FGF12: variants seen among roughly 807,000 people sequenced by gnomAD.
The protein encoded by FGF12 is fibroblast growth factor 12B.
Under a neutral mutation model 23.6 loss-of-function variants are expected in FGF12, and 14 were observed. The ratio of observed to expected loss-of-function variants is 0.59; its 90% CI spans 0.39 to 0.93. The LOEUF is 0.93. Among genes scored for constraint, FGF12 ranks in the 40% least tolerant of loss-of-function variants. The probability of loss-of-function intolerance (pLI) is 0.00; values close to 1 mark genes in which losing one functional copy is unlikely to be tolerated. For synonymous variants in FGF12, 62 were observed against 77.3 expected, an observed-to-expected ratio of 0.80 and a Z score of 1.04; for missense variants, 175 against 217.8, an observed-to-expected ratio of 0.80 and a Z score of 1.24.
At chr3:192,201,093 A>G (rs975040015) in intron 4 of FGF12, among the ~76,000 whole-genome samples, 5 of 152,212 alleles carry the variant, frequency 3.3e-5, no homozygotes, top group Non-Finnish European at 4.4e-5. Context: ...CCACTGGTAT[A>G]TATCTCTTTA....
intron 2 of FGF12, among the ~76,000 whole-genome samples, chr3:192,681,276 A>C (rs1314528082): frequency 6.6e-6 from 1 of 152,206 alleles, no homozygotes; most frequent in Non-Finnish European, 1.5e-5. Context: ...GGGTGACATA[A>C]AGTCAGACTA....
At chr3:192,375,053 A>G (rs765887025) in intron 2 of FGF12, among the ~76,000 whole-genome samples, 4 of 152,208 alleles carry the variant, frequency 2.6e-5, no homozygotes, top group Admixed American at 2.6e-4. Flanking sequence ...ATCCACAAAA[A>G]GTACCTACTG....
At chr3:192,169,620 C>A (rs1248834726) in intron 5 of FGF12, among the ~76,000 whole-genome samples, 1 of 152,046 alleles carries the variant, frequency 6.6e-6, no homozygotes, top group Non-Finnish European at 1.5e-5. Flanking sequence ...AGTTGCAATG[C>A]ACTGCCTCAA....
At chr3:192,431,913 A>T (rs1364193735) in intron 2 of FGF12, among the ~76,000 whole-genome samples, 3 of 152,178 alleles carry the variant, frequency 2.0e-5, no homozygotes, top group African/African-American at 7.2e-5. Context: ...ATGTACCCCA[A>T]GCACAGCACA....
intron 4 of FGF12, among the ~76,000 whole-genome samples, chr3:192,187,500 T>C (rs551490630): frequency 2.5e-3 from 376 of 152,334 alleles, no homozygotes; most frequent in African/African-American, 8.8e-3. Flanking sequence ...AAAATAATTA[T>C]GTAATTCATG....
At chr3:192,167,105 T>C (rs1217512728) in intron 5 of FGF12, among the ~76,000 whole-genome samples, 7 of 148,400 alleles carry the variant, frequency 4.7e-5, no homozygotes, top group Non-Finnish European at 1.0e-4. Context: ...TTTTAGTGTC[T>C]CAATACCCAT....
chr3:192,305,666 G>GA (rs10663137), intron 4 of FGF12, among the ~76,000 whole-genome samples: 31,111 of 124,846 alleles, frequency 0.25, 4,470 homozygotes, highest in Non-Finnish European at 0.33. Flanking sequence ...GGTGGCTTAG[G>GA]AAAAAAAAAA....
intron 2 of FGF12, among the ~76,000 whole-genome samples, chr3:192,464,168 A>T (rs1346833558): frequency 6.6e-6 from 1 of 152,056 alleles, no homozygotes; most frequent in Non-Finnish European, 1.5e-5. Context: ...TCTGGGGGGA[A>T]CATGTGGTGT....
At chr3:192,558,313 A>G (rs1317752662) in intron 2 of FGF12, among the ~76,000 whole-genome samples, 1 of 151,974 alleles carries the variant, frequency 6.6e-6, no homozygotes, top group East Asian at 1.9e-4. Flanking sequence ...AGAAATTAAG[A>G]AAATAATTCC....
At chr3:192,693,739 A>G (rs1255120741) in intron 2 of FGF12, among the ~76,000 whole-genome samples, 2 of 152,156 alleles carry the variant, frequency 1.3e-5, no homozygotes, top group African/African-American at 4.8e-5. Flanking sequence ...TTACACTACA[A>G]AATACTCAAC....
At chr3:192,644,778 T>C (rs1715939627) in intron 2 of FGF12, among the ~76,000 whole-genome samples, 1 of 152,130 alleles carries the variant, frequency 6.6e-6, no homozygotes. Flanking sequence ...GCCTTTGCCC[T>C]TCAAGGGCTC....
At chr3:192,331,480 C>T (rs963732926) in intron 4 of FGF12, among the ~76,000 whole-genome samples, 9 of 151,884 alleles carry the variant, frequency 5.9e-5, no homozygotes, top group Admixed American at 4.6e-4. Context: ...ATGCAGAATG[C>T]GTATAACATA....
intron 4 of FGF12, among the ~76,000 whole-genome samples, chr3:192,195,182 A>G (rs1288471500): frequency 1.3e-5 from 2 of 152,196 alleles, no homozygotes; most frequent in Non-Finnish European, 2.9e-5. Context: ...AATTTTTTTT[A>G]TATGTAATGT....
chr3:192,180,998 G>A (rs571981122), intron 4 of FGF12, among the ~76,000 whole-genome samples: 10 of 152,256 alleles, frequency 6.6e-5, no homozygotes, highest in Admixed American at 2.0e-4. Context: ...GTGGAGCAAG[G>A]TGCCAGTGAA....
intron 2 of FGF12, among the ~76,000 whole-genome samples, chr3:192,607,320 C>T (rs989275935): frequency 6.6e-6 from 1 of 152,044 alleles, no homozygotes; most frequent in African/African-American, 2.4e-5. Flanking sequence ...AAGAGAGGAG[C>T]ACAGAGAGAA....
intron 2 of FGF12, among the ~76,000 whole-genome samples, chr3:192,449,816 C>T (rs888946506): frequency 6.6e-6 from 1 of 152,190 alleles, no homozygotes; most frequent in Non-Finnish European, 1.5e-5. Flanking sequence ...TGGGCATGCC[C>T]TCTCCAAGGG....
chr3:192,714,566 T>G (rs955873595), intron 2 of FGF12, among the ~76,000 whole-genome samples: 216 of 141,280 alleles, frequency 1.5e-3, no homozygotes, highest in African/African-American at 5.6e-3. Context: ...TCGCCCAGGC[T>G]GGAGTGCAGC....
intron 2 of FGF12, among the ~76,000 whole-genome samples, chr3:192,403,882 G>C (rs150107596): frequency 2.8e-3 from 431 of 152,154 alleles, no homozygotes; most frequent in African/African-American, 1.0e-2. Flanking sequence ...TGAGTATACT[G>C]TTAAACACTG....
At chr3:192,289,461 CA>C (rs1313801676) in intron 4 of FGF12, among the ~76,000 whole-genome samples, 1 of 152,124 alleles carries the variant, frequency 6.6e-6, no homozygotes, top group Non-Finnish European at 1.5e-5. Context: ...AAGGAACACT[CA>C]CTGGAAGATA....
Sources: allele counts gnomAD v4.1 joint callset (sites outside exome capture counted in the v4.1 genomes callset), GRCh38; gene constraint gnomAD v4.1.1; transcripts MANE v1.5; gene names NCBI Gene and HGNC (gene_info 2026-07-23, HGNC 2026-07-21).